Variants in RDH10 observed in about 807,000 individuals in gnomAD.
The protein encoded by RDH10 is retinol dehydrogenase 10, also known as retinol dehydrogenase 10 (all-trans).
A neutral mutation model predicts 30.2 loss-of-function variants in RDH10; 12 were observed. The ratio of observed to expected loss-of-function variants is 0.40; its 90% confidence interval spans 0.25 to 0.64. RDH10 has a LOEUF of 0.64. RDH10 is among the 30% of genes least tolerant of loss of function. The pLI, the probability that RDH10 is intolerant of heterozygous loss-of-function variation, is 0.43. For missense variants in RDH10, 268 were observed against 445.2 expected (o/e 0.60, Z 3.58); for synonymous variants, 189 against 172.2 (o/e 1.10, Z -0.76).
intron 2 of RDH10, among the ~76,000 whole-genome samples, chr8:73,302,893 G>A (rs1023785186): frequency 6.6e-6 from 1 of 152,120 alleles, no homozygotes; most frequent in African/African-American, 2.4e-5. Flanking sequence ...GCCTTTATAC[G>A]TGAGCAGCAA....
chr8:73,298,875 C>T (rs778796116), intron 2 of RDH10, among the ~76,000 whole-genome samples: 6 of 152,246 alleles, frequency 3.9e-5, no homozygotes, highest in South Asian at 2.1e-4. Context: ...AGTACAATGG[C>T]GTGATCTCAG....
rs368435368 is a variant in RDH10, at chr8:73,297,479, G to A, written c.525+50G>A. On this transcript the variant is annotated intron_variant, in intron 2 of 5. Transcript: ENST00000240285. Reference sequence around the variant, plus strand: ...TTTGCTGGGCCCTCCTTAATGAGAAGGTTGGGAAGGGGAGAGACTTCAGTG... The same window carrying A: ...TTTGCTGGGCCCTCCTTAATGAGAAAGTTGGGAAGGGGAGAGACTTCAGTG... 61 of 1,345,530 alleles carry A rather than the reference G, an allele frequency of 4.5e-5. No homozygotes were observed. The African/African-American group carries it at 6.3e-4, about 14-fold the overall frequency. 83.3% of individuals were successfully genotyped at this position (1,345,530 alleles called of 1,614,324 possible).
intron 2 of RDH10, among the ~76,000 whole-genome samples, chr8:73,304,084 C>G (rs1384692216): frequency 6.6e-6 from 1 of 152,178 alleles, no homozygotes; most frequent in African/African-American, 2.4e-5. Flanking sequence ...CCCTCTTGAC[C>G]GTCTCCTTGA....
chr8:73,320,578 C>A (rs1298451711), intron 3 of RDH10, among the ~76,000 whole-genome samples: 1 of 151,518 alleles, frequency 6.6e-6, no homozygotes, highest in Non-Finnish European at 1.5e-5. Flanking sequence ...TCAAGCAATT[C>A]TCCTGCCTCA....
chr8:73,325,129 T>C lies in RDH10; in HGVS notation c.*2093T>C, dbSNP rs914042982. ...CCTCCTAGAGAAATCTGTTATAATT[T>C]AACAACCCACTTATCCACCTTAAAA... On this transcript the variant is annotated 3_prime_UTR_variant, in exon 6 of 6. Transcript: ENST00000240285. 1 of 152,208 alleles carries C rather than the reference T, an allele frequency of 6.6e-6. No individual in the cohort carries two copies. The highest frequency in any genetic ancestry group is 2.4e-5 in the African/African-American group (1 of 41,442). The allele number at this position is 152,208 out of a possible 1,614,324, so 9.4% of individuals were successfully genotyped here. A position where few individuals can be genotyped will look rare whatever the true frequency, so the allele number is the denominator to read the frequency against.
intron 2 of RDH10, among the ~76,000 whole-genome samples, chr8:73,313,948 G>A (rs1218313985): frequency 6.6e-6 from 1 of 152,024 alleles, no homozygotes; most frequent in Non-Finnish European, 1.5e-5. Flanking sequence ...CAGTCCTATT[G>A]GTCAGCAAAT....
intron 2 of RDH10, among the ~76,000 whole-genome samples, chr8:73,309,467 C>CTG (rs1814523073): frequency 6.6e-6 from 1 of 152,108 alleles, no homozygotes; most frequent in African/African-American, 2.4e-5. Context: ...TATTGTTCCT[C>CTG]TGTGAGGTAG....
At chr8:73,304,795 AAG>A (rs762889188) in intron 2 of RDH10, among the ~76,000 whole-genome samples, 3 of 152,248 alleles carry the variant, frequency 2.0e-5, no homozygotes, top group Non-Finnish European at 4.4e-5. Flanking sequence ...ATTCCTGAGA[AAG>A]AAAAACAAGT....
At chr8:73,322,191 T>C (rs1184947718) in intron 4 of RDH10, 5 of 355,574 alleles carry the variant, frequency 1.4e-5, no homozygotes, top group Non-Finnish European at 1.7e-5. Context: ...ATACCCTTCA[T>C]TTCAGGGGCC....
intron 2 of RDH10, among the ~76,000 whole-genome samples, chr8:73,318,055 T>C (rs182997958): frequency 1.3e-5 from 2 of 152,144 alleles, no homozygotes; most frequent in Admixed American, 1.3e-4. Flanking sequence ...TGTTTGGTTG[T>C]GTGGGTTTTT....
Position 73,322,650 on chromosome 8 carries a change from C to A in RDH10, c.771-29C>A, listed in dbSNP as rs1433254517. 3.8e-6 allele frequency: 6 copies of A among 1,576,254 alleles called. No individual in the cohort carries two copies. The African/African-American group carries it at 6.8e-5, about 18-fold the overall frequency. ...AGTCTTTTCTATTGTGTTAATTTTT[C>A]ATTTTGTTTTTGAATAAATAACTTT... On this transcript the variant is annotated intron_variant, in intron 4 of 5. Coordinates refer to ENST00000240285, the MANE Select transcript of RDH10 (RefSeq NM_172037.5).
intron 2 of RDH10, among the ~76,000 whole-genome samples, chr8:73,301,266 G>C (rs1328684887): frequency 6.7e-6 from 1 of 149,500 alleles, no homozygotes; most frequent in East Asian, 2.0e-4. Context: ...TAGCCAGGAT[G>C]GTCTCGATCT....
intron 2 of RDH10, among the ~76,000 whole-genome samples, chr8:73,301,724 C>T (rs553264559): frequency 2.0e-5 from 3 of 152,140 alleles, no homozygotes; most frequent in Non-Finnish European, 4.4e-5. Flanking sequence ...CCACTGCACT[C>T]CAGCCTGGGT....
At chr8:73,298,683 A>G (rs1303926234) in intron 2 of RDH10, among the ~76,000 whole-genome samples, 1 of 152,076 alleles carries the variant, frequency 6.6e-6, no homozygotes, top group Non-Finnish European at 1.5e-5. Context: ...ACATGCTGCC[A>G]CACCTGGCTA....
intron 2 of RDH10, chr8:73,312,676 A>G (rs1191600611): frequency 6.6e-6 from 1 of 152,208 alleles, no homozygotes; most frequent in Non-Finnish European, 1.5e-5. Flanking sequence ...TTCTTTGTTC[A>G]GTGGAGTCTT....
In RDH10 at chr8:73,295,501, A is replaced by G; in HGVS notation, c.212A>G (p.Gln71Arg). ...ALLVLWDINT[Q>R]SNEETAGMVR... ...CTGGTGCTGTGGGACATCAACACGC[A>G]AAGCAACGAGGAGACGGCTGGCATG... Residue 71 changes from glutamine (Q) to arginine (R), a missense_variant, in exon 1 of 6, where the codon CAA becomes CGA. Physicochemically the swap from Gln to Arg is conservative, Grantham distance 43 (BLOSUM62 1). Around this residue, in one of 4 missense-constraint regions of RDH10, gnomAD observed 42 missense variants for 77.6 expected, o/e 0.54. Transcript: ENST00000240285. 1 of 1,556,674 alleles carries G rather than the reference A, an allele frequency of 6.4e-7. No individual in the cohort carries two copies. Among genetic ancestry groups the G allele is most frequent in the South Asian group, 1.2e-5 (1 of 84,490 alleles).
chr8:73,303,203 T>TTA lies in RDH10; in HGVS notation c.525+5774_525+5775insTA, dbSNP rs1586188676. On this transcript the variant is annotated intron_variant, in intron 2 of 5. Coordinates refer to ENST00000240285, the MANE Select transcript of RDH10 (RefSeq NM_172037.5). ...AAAGTAAAAGCCCACCAGCTAGATC[T>TTA]GAGTAATGTAGCACTTAAAGACATT... Among the ~76,000 whole-genome samples the TTA allele has an allele frequency of 6.6e-5, 10 of 152,362 alleles. No homozygotes were observed. In the East Asian group the frequency reaches 1.9e-3, roughly 29 times the overall value.
intron 2 of RDH10, among the ~76,000 whole-genome samples, chr8:73,309,071 A>C (rs919898714): frequency 6.7e-6 from 1 of 149,350 alleles, no homozygotes; most frequent in African/African-American, 2.5e-5. Flanking sequence ...TCTCCCCCTT[A>C]CCCACATACA....
intron 2 of RDH10, among the ~76,000 whole-genome samples, chr8:73,318,431 T>C (rs1814712203): frequency 6.6e-6 from 1 of 152,238 alleles, no homozygotes; most frequent in Admixed American, 6.5e-5. Context: ...GTCCCTGCGG[T>C]GAAACCCATG....
Sources: allele counts gnomAD v4.1 joint callset (sites outside exome capture counted in the v4.1 genomes callset), GRCh38; gene constraint gnomAD v4.1.1; regional missense constraint gnomAD v4.1.1; transcripts MANE v1.5; gene names NCBI Gene and HGNC (gene_info 2026-07-23, HGNC 2026-07-21).